Variants in KCNIP1 observed in about 807,000 individuals in gnomAD.
The protein encoded by KCNIP1 is potassium voltage-gated channel interacting protein 1, also known as A-type potassium channel modulatory protein KCNIP1.
KCNIP1 carries 18 observed loss-of-function variants against 33.0 expected under a neutral mutation model. The ratio of observed to expected loss-of-function variants is 0.55; its 90% CI spans 0.38 to 0.81. KCNIP1 has a LOEUF of 0.81. KCNIP1 is among the 30% of genes least tolerant of loss of function. KCNIP1 has a pLI of 0.00. For synonymous variants in KCNIP1, 93 were observed against 98.3 expected (o/e 0.95, Z 0.32); for missense variants, 238 against 271.6 (o/e 0.88, Z 0.87).
At chr5:170,641,669 G>A (rs80082373) in intron 1 of KCNIP1, among the ~76,000 whole-genome samples, 4,432 of 152,254 alleles carry the variant, frequency 0.029, 224 homozygotes, top group African/African-American at 0.1. Flanking sequence ...AAGGGGTGGC[G>A]GCTTCCAGGT....
intron 1 of KCNIP1, among the ~76,000 whole-genome samples, chr5:170,485,175 G>T (rs778836946): frequency 6.6e-6 from 1 of 152,084 alleles, no homozygotes; most frequent in Non-Finnish European, 1.5e-5. Context: ...CCCGACCTCA[G>T]GTGATCTGCC....
intron 1 of KCNIP1, among the ~76,000 whole-genome samples, chr5:170,391,260 A>T (rs760300526): frequency 6.6e-6 from 1 of 152,192 alleles, no homozygotes; most frequent in Non-Finnish European, 1.5e-5. Context: ...ACAGGCTGCC[A>T]TTTATGAGTA....
At chr5:170,364,059 G>A (rs1477405380) in intron 1 of KCNIP1, among the ~76,000 whole-genome samples, 8 of 147,908 alleles carry the variant, frequency 5.4e-5, no homozygotes, top group African/African-American at 7.5e-5. Flanking sequence ...GGAGTGCAGT[G>A]CTGTCATCAC....
At chr5:170,371,261 G>T (rs1763835398) in intron 1 of KCNIP1, among the ~76,000 whole-genome samples, 1 of 152,156 alleles carries the variant, frequency 6.6e-6, no homozygotes, top group African/African-American at 2.4e-5. Context: ...GTCTGTCTTG[G>T]CAGTGCCCAC....
chr5:170,581,437 A>T (rs1757791844), intron 1 of KCNIP1, among the ~76,000 whole-genome samples: 1 of 152,234 alleles, frequency 6.6e-6, no homozygotes, highest in Non-Finnish European at 1.5e-5. Context: ...TTCATGTGCC[A>T]GCTTTTAATT....
chr5:170,519,196 T>C (rs535969979), intron 1 of KCNIP1, among the ~76,000 whole-genome samples: 3 of 152,308 alleles, frequency 2.0e-5, no homozygotes, highest in East Asian at 1.9e-4. Context: ...AGTGGAGACA[T>C]TGAGCTGATA....
chr5:170,512,826 G>A (rs1336612556), intron 1 of KCNIP1, among the ~76,000 whole-genome samples: 1 of 152,098 alleles, frequency 6.6e-6, no homozygotes, highest in African/African-American at 2.4e-5. Flanking sequence ...GAGGCTGGCG[G>A]ATCATGAGGT....
chr5:170,731,268 C>G (rs1002508470), intron 5 of KCNIP1, among the ~76,000 whole-genome samples: 1 of 152,182 alleles, frequency 6.6e-6, no homozygotes, highest in Non-Finnish European at 1.5e-5. Context: ...TATACCATCA[C>G]TTCTGTGGTA....
chr5:170,357,343 AG>A (rs1763375752), intron 1 of KCNIP1, among the ~76,000 whole-genome samples: 1 of 152,158 alleles, frequency 6.6e-6, no homozygotes. Context: ...CCTGCCTATT[AG>A]GTGCTCAGTA....
intron 1 of KCNIP1, among the ~76,000 whole-genome samples, chr5:170,388,258 TAG>T (rs1459681469): frequency 6.6e-6 from 1 of 152,226 alleles, no homozygotes; most frequent in African/African-American, 2.4e-5. Flanking sequence ...AGTGAGTTTA[TAG>T]AGTCATGATA....
chr5:170,687,598 T>G (rs1485577159), intron 1 of KCNIP1, among the ~76,000 whole-genome samples: 2 of 152,202 alleles, frequency 1.3e-5, no homozygotes, highest in African/African-American at 4.8e-5. Flanking sequence ...ATGGTTGAGG[T>G]GATCTTGTCT....
chr5:170,548,323 C>G (rs2113403485), intron 1 of KCNIP1, among the ~76,000 whole-genome samples: 1 of 152,284 alleles, frequency 6.6e-6, no homozygotes. Context: ...TCTGCTATCT[C>G]TTTTTCCTGC....
intron 1 of KCNIP1, among the ~76,000 whole-genome samples, chr5:170,711,169 C>G (rs1171824432): frequency 6.6e-6 from 1 of 152,206 alleles, no homozygotes; most frequent in Non-Finnish European, 1.5e-5. Flanking sequence ...AACTGTTTCC[C>G]TTTCATGGAG....
chr5:170,648,939 A>G (rs984951746), intron 1 of KCNIP1, among the ~76,000 whole-genome samples: 4 of 152,218 alleles, frequency 2.6e-5, no homozygotes, highest in Non-Finnish European at 4.4e-5. Context: ...AAGTTTATTA[A>G]TCAACAAAGA....
intron 1 of KCNIP1, among the ~76,000 whole-genome samples, chr5:170,533,337 G>A (rs1236862730): frequency 6.6e-6 from 1 of 152,212 alleles, no homozygotes; most frequent in African/African-American, 2.4e-5. Flanking sequence ...AAGTTTAACA[G>A]GCATTTCTGA....
At chr5:170,717,314 T>C (rs1194046191) in intron 1 of KCNIP1, among the ~76,000 whole-genome samples, 4 of 152,250 alleles carry the variant, frequency 2.6e-5, no homozygotes, top group Non-Finnish European at 4.4e-5. Flanking sequence ...AGCGTTTAGA[T>C]AATTGCTACT....
intron 1 of KCNIP1, among the ~76,000 whole-genome samples, chr5:170,425,514 T>C (rs6884841): frequency 0.058 from 8,814 of 152,116 alleles, 238 homozygotes; most frequent in African/African-American, 0.067. Context: ...CCTGTATTCA[T>C]AGGAAGGAGG....
chr5:170,485,507 G>A (rs1757069180), intron 1 of KCNIP1, among the ~76,000 whole-genome samples: 1 of 152,182 alleles, frequency 6.6e-6, no homozygotes, highest in African/African-American at 2.4e-5. Flanking sequence ...ACAGACACAT[G>A]GCCCACCTTC....
intron 1 of KCNIP1, among the ~76,000 whole-genome samples, chr5:170,673,104 TGA>T (rs1761986881): frequency 6.6e-6 from 1 of 152,256 alleles, no homozygotes; most frequent in Non-Finnish European, 1.5e-5. Flanking sequence ...CATGATACCA[TGA>T]AAATGTGTTA....
Sources: allele counts gnomAD v4.1 joint callset (sites outside exome capture counted in the v4.1 genomes callset), GRCh38; gene constraint gnomAD v4.1.1; transcripts MANE v1.5; gene names NCBI Gene and HGNC (gene_info 2026-07-23, HGNC 2026-07-21).